The following FAM216A variants were observed in gnomAD, a reference collection of about 807,000 sequenced individuals.
The protein encoded by FAM216A is protein FAM216A.
In FAM216A, 26 loss-of-function variants were observed where a neutral mutation model predicts 37.6. The observed-to-expected ratio is 0.69, with a 90% CI of 0.51 to 0.96. FAM216A has a LOEUF of 0.96. Ranked by LOEUF, FAM216A falls within the 40% of genes least tolerant of loss-of-function variation. The pLI, the probability that FAM216A is intolerant of heterozygous loss-of-function variation, is 0.00. For synonymous variants in FAM216A, 110 were observed against 121.7 expected, an observed-to-expected ratio of 0.90 and a Z score of 0.64; for missense variants, 326 against 339.3, an observed-to-expected ratio of 0.96 and a Z score of 0.31.
chr12:110,486,787 T>C, intron 5 of FAM216A, 70 bp downstream of exon 5: 1 of 1,385,460 alleles, frequency 7.2e-7, no homozygotes. Context: ...GACAGGGTTT[T>C]GTTCTCTCAC....
At chr12:110,480,883 A>G (rs1486723984) in intron 2 of FAM216A, among the ~76,000 whole-genome samples, 1 of 152,068 alleles carries the variant, frequency 6.6e-6, no homozygotes, top group African/African-American at 2.4e-5. Context: ...TTTTGTCTCT[A>G]AAAGAAAATT....
upstream of FAM216A, chr12:110,468,587 T>C: frequency 1.3e-6 from 2 of 1,537,212 alleles, no homozygotes; most frequent in Non-Finnish European, 1.7e-6. Context: ...GCAAATGTGC[T>C]GAGGATCTGG....
intron 6 of FAM216A, among the ~76,000 whole-genome samples, chr12:110,489,748 T>C (rs1245942892): frequency 6.6e-6 from 1 of 152,202 alleles, no homozygotes; most frequent in Non-Finnish European, 1.5e-5. Flanking sequence ...CTGACCACTT[T>C]AATTTCCCCC....
intron 5 of FAM216A, chr12:110,487,659 A>C (rs531788035): frequency 3.4e-5 from 19 of 551,650 alleles, no homozygotes; most frequent in African/African-American, 2.9e-4. Flanking sequence ...GGGAGAGGAA[A>C]AAGATTAAGC....
chr12:110,480,731 C>G (rs139721963), intron 2 of FAM216A, among the ~76,000 whole-genome samples: 2 of 152,064 alleles, frequency 1.3e-5, no homozygotes, highest in African/African-American at 2.4e-5. Context: ...ACTAAAACTC[C>G]GTACCTATAA....
intron 2 of FAM216A, among the ~76,000 whole-genome samples, chr12:110,484,440 A>G (rs1193508208): frequency 6.8e-6 from 1 of 147,446 alleles, no homozygotes; most frequent in East Asian, 1.9e-4. Context: ...AAAAAAAAAA[A>G]AAAAAAAAAA....
intron 2 of FAM216A, among the ~76,000 whole-genome samples, chr12:110,483,118 G>T (rs1196551343): frequency 1.3e-5 from 2 of 151,986 alleles, no homozygotes; most frequent in African/African-American, 4.8e-5. Flanking sequence ...GAGGTCAGGA[G>T]ATCAAGACCA....
At chr12:110,488,048 A>C in intron 6 of FAM216A, 105 bp downstream of exon 6, 1 of 703,744 alleles carries the variant, frequency 1.4e-6, no homozygotes, top group Non-Finnish European at 2.4e-6. Flanking sequence ...ACAAATTTAG[A>C]ATATGATTTG....
At chr12:110,475,815 C>G (rs1053240379) in intron 2 of FAM216A, among the ~76,000 whole-genome samples, 9 of 152,090 alleles carry the variant, frequency 5.9e-5, no homozygotes, top group African/African-American at 2.2e-4. Flanking sequence ...CGGCTCACTG[C>G]AGCCTCCACC....
At chr12:110,473,465 G>A (rs189888860) in intron 2 of FAM216A, among the ~76,000 whole-genome samples, 11 of 152,254 alleles carry the variant, frequency 7.2e-5, no homozygotes, top group African/African-American at 2.4e-4. Flanking sequence ...ACCTGCCTCC[G>A]CCTCCCAAAG....
Position 110,486,578 on chromosome 12 carries a change from C to CA in FAM216A, c.482dup (p.Lys162GlufsTer22). On this transcript the variant is annotated frameshift_variant, in exon 5 of 7. Transcript: ENST00000377673. LOFTEE classifies it high-confidence loss of function. The stretch of plus-strand genomic sequence containing the variant: ...AAGCCGCCTTAGCTCCCGTTACTCA[C>CA]AGAAACAGCATTACCCTTGCACTAC... The CA allele has an allele frequency of 6.2e-7, 1 of 1,614,094 alleles. No individual in the cohort carries two copies. Among genetic ancestry groups the CA allele is most frequent in the Non-Finnish European group, 8.5e-7 (1 of 1,179,996 alleles).
intron 5 of FAM216A, chr12:110,486,937 T>C (rs2062780823): frequency 2.0e-6 from 1 of 505,894 alleles, no homozygotes; most frequent in African/African-American, 1.9e-5. Context: ...AAAAAATTGT[T>C]TGTACAGAAA....
chr12:110,471,898 C>A (rs539011795), intron 1 of FAM216A, among the ~76,000 whole-genome samples: 3 of 152,232 alleles, frequency 2.0e-5, no homozygotes, highest in African/African-American at 7.2e-5. Flanking sequence ...ACATTACAGA[C>A]CAACTTATTA....
At chr12:110,484,021 G>A (rs2062762346) in intron 2 of FAM216A, among the ~76,000 whole-genome samples, 1 of 151,864 alleles carries the variant, frequency 6.6e-6, no homozygotes, top group South Asian at 2.1e-4. Flanking sequence ...AGGCAGAGGC[G>A]GGAGAATCTC....
intron 1 of FAM216A, 59 bp downstream of exon 1, chr12:110,469,077 C>T (rs2062661567): frequency 5.8e-6 from 8 of 1,375,114 alleles, no homozygotes; most frequent in Non-Finnish European, 7.5e-6. Context: ...TCGTGAGGCC[C>T]CCGGGTCGTG....
intron 6 of FAM216A, among the ~76,000 whole-genome samples, chr12:110,488,328 T>C (rs1336167542): frequency 6.6e-6 from 1 of 150,984 alleles, no homozygotes; most frequent in Admixed American, 6.6e-5. Flanking sequence ...GGAGAATCGA[T>C]TGAACCTGGG....
chr12:110,473,095 G>T lies in FAM216A; in HGVS notation c.161G>T (p.Cys54Phe), dbSNP rs762562008. The change falls in exon 2 of 7, where the codon TGT becomes TTT. Residue 54 changes from cysteine to phenylalanine, a missense_variant. By Grantham distance (205) the Cys-to-Phe change is radical. Transcript: ENST00000377673. ...GGGGGSAGYS[C>F]YQNSKGSDRI... is the part of the protein sequence containing the mutation. Reference sequence around the variant, plus strand: ...TTCAACAGATCAGCTGGATACTCTTGTTACCAGAATTCCAAAGGTTCTGGT... The same window carrying T: ...TTCAACAGATCAGCTGGATACTCTTTTTACCAGAATTCCAAAGGTTCTGGT... 37 of 1,553,898 alleles carry T rather than the reference G, an allele frequency of 2.4e-5. No homozygotes were observed. The highest frequency in any genetic ancestry group is 2.1e-4 in the Middle Eastern group (1 of 4,658).
intron 2 of FAM216A, among the ~76,000 whole-genome samples, chr12:110,484,426 C>CAAAAAAAAAAA (rs61648841): frequency 2.0e-5 from 1 of 51,258 alleles, no homozygotes; most frequent in Non-Finnish European, 3.5e-5. Context: ...GACTCCGTCT[C>CAAAAAAAAAAA]AAAAAAAAAA....
chr12:110,481,378 T>G (rs2062746174), intron 2 of FAM216A, among the ~76,000 whole-genome samples: 1 of 152,186 alleles, frequency 6.6e-6, no homozygotes, highest in African/African-American at 2.4e-5. Flanking sequence ...TCAGTCTCAC[T>G]CTGTCACCCA....
Sources: gnomAD v4.1 joint callset for allele counts (sites outside exome capture counted in the v4.1 genomes callset) on GRCh38, gnomAD v4.1.1 for gene constraint, MANE v1.5 for transcripts, NCBI Gene and HGNC (gene_info 2026-07-23, HGNC 2026-07-21) for gene names.